The following CHRM5 variants were observed in gnomAD, a reference collection of about 807,000 sequenced individuals.
CHRM5 encodes the protein cholinergic receptor muscarinic 5, also known as muscarinic acetylcholine receptor M5.
In CHRM5, 18 loss-of-function variants were observed where a neutral mutation model predicts 39.0. That is an observed-to-expected ratio of 0.46 (90% CI 0.32 to 0.68). The LOEUF (loss-of-function observed/expected upper bound fraction) is 0.68, where lower values mean the gene tolerates loss of function less well. CHRM5 is among the 30% of genes least tolerant of loss of function. The pLI, the probability that CHRM5 is intolerant of heterozygous loss-of-function variation, is 0.04. For synonymous variants in CHRM5, 241 were observed against 246.3 expected (o/e 0.98, Z 0.20); for missense variants, 515 against 651.1 (o/e 0.79, Z 2.28).
chr15:34,006,297 C>T (rs901039942), intron 1 of CHRM5, among the ~76,000 whole-genome samples: 1 of 147,018 alleles, frequency 6.8e-6, no homozygotes, highest in African/African-American at 2.5e-5. Context: ...GGCAACAGAG[C>T]GAGACTCCGT....
At position 34,030,015 on chromosome 15, in the gene CHRM5, A is replaced by G. The variant is rs138323082; in HGVS notation, c.-407-16525A>G. Among the ~76,000 whole-genome samples the G allele has an allele frequency of 6.0e-3, 908 of 152,302 alleles. 21 individuals are homozygous for G. Among genetic ancestry groups the G allele is most frequent in the Admixed American group, 0.043 (659 of 15,296 alleles). ...ACACTTGTAATCCCAGCACTTTGGGAGGCCGAGGCAGGCGGATCACTTGAG... is the reference window on the plus strand; with the variant it reads ...ACACTTGTAATCCCAGCACTTTGGGGGGCCGAGGCAGGCGGATCACTTGAG... On this transcript the variant is annotated intron_variant, in intron 1 of 2. Transcript: ENST00000383263.
At chr15:33,989,866 A>T (rs888574740) in intron 1 of CHRM5, among the ~76,000 whole-genome samples, 2 of 150,748 alleles carry the variant, frequency 1.3e-5, no homozygotes, top group Non-Finnish European at 2.9e-5. Flanking sequence ...TACAAAGAAG[A>T]GACAATAGCA....
At chr15:34,039,647 GA>G (rs1025272445) in intron 1 of CHRM5, among the ~76,000 whole-genome samples, 5 of 152,160 alleles carry the variant, frequency 3.3e-5, no homozygotes, top group Non-Finnish European at 7.3e-5. Context: ...CAGCACGTGG[GA>G]GAGAGAACAG....
At position 34,063,924 on chromosome 15, in the gene CHRM5, A is replaced by T. The variant is rs1465544408; in HGVS notation, c.1207A>T (p.Met403Leu). ...TNNGCHKVKI[M>L]PCPFPVAKEP... ...CAATGGCTGTCACAAGGTGAAAATC[A>T]TGCCCTGCCCCTTCCCAGTGGCCAA... The change falls in exon 3 of 3, where the codon ATG becomes TTG. Residue 403 changes from methionine to leucine, a missense_variant. By Grantham distance (15) the Met-to-Leu change is conservative. Transcript: ENST00000383263. This position sits in a 1 kb window ranked among gnomAD's most constrained non-coding sequence, Gnocchi z 4.1. 2 of 1,614,166 alleles carry T rather than the reference A, an allele frequency of 1.2e-6. No individual in the cohort carries two copies. The highest frequency in any genetic ancestry group is 1.7e-6 in the Non-Finnish European group (2 of 1,180,036).
chr15:34,022,908 C>T (rs181855762), intron 1 of CHRM5, among the ~76,000 whole-genome samples: 3 of 152,336 alleles, frequency 2.0e-5, no homozygotes, highest in Admixed American at 2.0e-4. Context: ...AACAATGAGG[C>T]CGGGCGCGGT....
At chr15:33,994,191 A>G (rs1896843909) in intron 1 of CHRM5, among the ~76,000 whole-genome samples, 1 of 152,212 alleles carries the variant, frequency 6.6e-6, no homozygotes, top group Non-Finnish European at 1.5e-5. Flanking sequence ...TACTGCTTGC[A>G]TTAGTGCCTG....
chr15:33,974,503 A>G (rs1192290785), intron 1 of CHRM5, among the ~76,000 whole-genome samples: 4 of 152,236 alleles, frequency 2.6e-5, no homozygotes, highest in Non-Finnish European at 4.4e-5. Context: ...CTCAACCCCT[A>G]TGATAGAAAT....
chr15:33,968,793 C>T lies in CHRM5; in HGVS notation c.-765C>T, dbSNP rs550937616. 1 of 152,098 alleles carries T rather than the reference C, an allele frequency of 6.6e-6. No individual in the cohort carries two copies. Among genetic ancestry groups the T allele is most frequent in the African/African-American group, 2.4e-5 (1 of 41,502 alleles). The allele number at this position is 152,098 out of a possible 1,614,324, so 9.4% of individuals were successfully genotyped here. Reference sequence around the variant, plus strand: ...GAAATACGAACAAGCAGAACTTTTCCAGGGGGTCAAATGCATATAGGAACA... The same window carrying T: ...GAAATACGAACAAGCAGAACTTTTCTAGGGGGTCAAATGCATATAGGAACA... On this transcript the variant is annotated 5_prime_UTR_variant, in exon 1 of 3. Transcript: ENST00000383263.
At chr15:33,983,158 G>GTGTGTA (rs1373777751) in intron 1 of CHRM5, among the ~76,000 whole-genome samples, 5 of 136,328 alleles carry the variant, frequency 3.7e-5, no homozygotes, top group South Asian at 2.3e-4. Context: ...GTGTGTGTGT[G>GTGTGTA]TATGTGTGTG....
intron 1 of CHRM5, among the ~76,000 whole-genome samples, chr15:34,033,261 G>A (rs1253258223): frequency 3.9e-5 from 6 of 152,084 alleles, no homozygotes; most frequent in South Asian, 2.1e-4. Flanking sequence ...ATCCTAGCAC[G>A]TCAGGAGGCA....
intron 1 of CHRM5, among the ~76,000 whole-genome samples, chr15:33,985,100 A>G (rs902635143): frequency 5.3e-5 from 8 of 152,038 alleles, no homozygotes; most frequent in Non-Finnish European, 1.2e-4. Context: ...CCTCACATCT[A>G]TATCACCTCA....
rs1895519721 is a variant in CHRM5 at position 33,969,139 on chromosome 15, A to C, written c.-419A>C. 1 of 152,138 alleles carries C rather than the reference A, an allele frequency of 6.6e-6. No individual in the cohort carries two copies. 9.4% of individuals were successfully genotyped at this position (152,138 alleles called of 1,614,324 possible). On this transcript the variant is annotated 5_prime_UTR_variant, in exon 1 of 3. Transcript: ENST00000383263. Reference sequence around the variant, plus strand: ...AGTTCAAATTACTGAGCTTCAAACAAACCACTGCCAGGTAAGATTTAATTT... The same window carrying C: ...AGTTCAAATTACTGAGCTTCAAACACACCACTGCCAGGTAAGATTTAATTT...
rs1470533938 is a variant in CHRM5 at position 33,974,565 on chromosome 15, A to C, written c.-408+5415A>C. 7.2e-5 allele frequency among the ~76,000 whole-genome samples: 11 copies of C among 152,206 alleles called. No individual in the cohort carries two copies. The South Asian group carries it at 1.2e-3, about 17-fold the overall frequency. ...CAGCATCACTCTAGAATTCATCAAC[A>C]TGTGTGTTGGGGTGGGGGCAGCTAT... On this transcript the variant is annotated intron_variant, in intron 1 of 2. Transcript: ENST00000383263.
intron 1 of CHRM5, among the ~76,000 whole-genome samples, chr15:34,029,993 C>T (rs1367523242): frequency 6.6e-6 from 1 of 152,166 alleles, no homozygotes; most frequent in Non-Finnish European, 1.5e-5. Context: ...GTGACTCACA[C>T]TTGTAATCCC....
intron 2 of CHRM5, among the ~76,000 whole-genome samples, chr15:34,050,473 G>C (rs576434126): frequency 1.3e-5 from 2 of 152,162 alleles, no homozygotes; most frequent in Non-Finnish European, 2.9e-5. Context: ...CTAGCATCAT[G>C]ATGACAGGAT....
intron 1 of CHRM5, among the ~76,000 whole-genome samples, chr15:33,986,103 TG>T (rs1567449847): frequency 0.043 from 143 of 3,342 alleles, 2 homozygotes; most frequent in East Asian, 0.42. Context: ...TTTTTTTTTT[TG>T]TTTTTTGTTT....
Position 34,046,358 on chromosome 15 carries a change from C to A in CHRM5, c.-407-182C>A, listed in dbSNP as rs370791254. ...AGTGAGGCAGGAAAAAAAAAAAAAA[C>A]GGGAAAAAGAGAAGGCAGAAAATCT... On this transcript the variant is annotated intron_variant, in intron 1 of 2. Transcript: ENST00000383263. 2.1e-3 allele frequency among the ~76,000 whole-genome samples: 239 copies of A among 113,272 alleles called. 1 individual carries two copies. Among genetic ancestry groups the A allele is most frequent in the Non-Finnish European group, 3.8e-3 (200 of 52,512 alleles). 74.3% of individuals were successfully genotyped at this position (113,272 alleles called of 152,430 possible). A position where few individuals can be genotyped will look rare whatever the true frequency, so the allele number is the denominator to read the frequency against.
At chr15:33,977,029 G>C (rs1026063613) in intron 1 of CHRM5, among the ~76,000 whole-genome samples, 2 of 152,096 alleles carry the variant, frequency 1.3e-5, no homozygotes, top group Non-Finnish European at 2.9e-5. Context: ...TGGTCACAAT[G>C]GCATGAATTA....
intron 1 of CHRM5, chr15:34,006,954 AAAC>A: frequency 3.5e-6 from 2 of 564,306 alleles, no homozygotes; most frequent in Non-Finnish European, 4.5e-6. Context: ...ACTGATCAGA[AAAC>A]AAGGTGAAAA....
Sources: gnomAD v4.1 joint callset for allele counts (sites outside exome capture counted in the v4.1 genomes callset) on GRCh38, gnomAD v4.1.1 for gene constraint, Gnocchi (gnomAD v3.1) non-coding constraint, MANE v1.5 for transcripts, NCBI Gene and HGNC (gene_info 2026-07-23, HGNC 2026-07-21) for gene names.